MACROD2: variants seen among roughly 807,000 people sequenced by gnomAD.
MACROD2 encodes ADP-ribose glycohydrolase MACROD2.
MACROD2 carries 36 observed loss-of-function variants against 70.4 expected under a neutral mutation model. The observed-to-expected ratio is 0.51, with a 90% CI of 0.39 to 0.68. The LOEUF (loss-of-function observed/expected upper bound fraction) is 0.68. Among genes scored for constraint, MACROD2 ranks in the 30% least tolerant of loss-of-function variants. The pLI, the probability that MACROD2 is intolerant of heterozygous loss-of-function variation, is 0.00. For missense variants in MACROD2, 496 were observed against 538.4 expected (o/e 0.92, Z 0.78); for synonymous variants, 172 against 178.8 (o/e 0.96, Z 0.30).
chr20:15,068,867 G>A (rs1041750597), intron 5 of MACROD2, among the ~76,000 whole-genome samples: 3 of 152,186 alleles, frequency 2.0e-5, no homozygotes, highest in African/African-American at 7.2e-5. Context: ...ATGTGAAAGT[G>A]GCTTTGAAAC....
intron 3 of MACROD2, among the ~76,000 whole-genome samples, chr20:14,195,550 C>T (rs765615620): frequency 7.2e-4 from 109 of 152,184 alleles, no homozygotes; most frequent in African/African-American, 1.4e-4. Flanking sequence ...TGGTCTGCCA[C>T]GCCCGCATCC....
chr20:14,798,359 C>G (rs966377523), intron 5 of MACROD2, among the ~76,000 whole-genome samples: 2 of 151,978 alleles, frequency 1.3e-5, no homozygotes, highest in African/African-American at 4.8e-5. Context: ...TCTATAATTT[C>G]TCAACATGGA....
chr20:15,352,445 A>G (rs1052173548), intron 6 of MACROD2, among the ~76,000 whole-genome samples: 2 of 152,102 alleles, frequency 1.3e-5, no homozygotes, highest in Non-Finnish European at 2.9e-5. Context: ...CAAAATATCT[A>G]TATATATATT....
chr20:14,908,240 T>G (rs1461573940), intron 5 of MACROD2, among the ~76,000 whole-genome samples: 1 of 151,892 alleles, frequency 6.6e-6, no homozygotes, highest in Non-Finnish European at 1.5e-5. Flanking sequence ...ACTCAGGAGG[T>G]TGAGGCAGGA....
chr20:14,244,624 A>C (rs74501010), intron 3 of MACROD2, among the ~76,000 whole-genome samples: 3,764 of 152,272 alleles, frequency 0.025, 134 homozygotes, highest in African/African-American at 0.084. Context: ...GCCTCCTTTT[A>C]AAACAACTTC....
At chr20:14,876,682 T>C (rs1279415596) in intron 5 of MACROD2, among the ~76,000 whole-genome samples, 1 of 152,210 alleles carries the variant, frequency 6.6e-6, no homozygotes, top group Non-Finnish European at 1.5e-5. Flanking sequence ...CTTGTGCATA[T>C]GGCTAGCCAC....
chr20:14,817,244 G>C (rs2072784195), intron 5 of MACROD2, among the ~76,000 whole-genome samples: 1 of 151,978 alleles, frequency 6.6e-6, no homozygotes. Flanking sequence ...ACTCTTTTTT[G>C]ACTGATATAG....
At chr20:15,035,897 T>C (rs2075309272) in intron 5 of MACROD2, among the ~76,000 whole-genome samples, 1 of 151,976 alleles carries the variant, frequency 6.6e-6, no homozygotes, top group Non-Finnish European at 1.5e-5. Context: ...TTTTTCCTAG[T>C]GTCATTTCTT....
intron 4 of MACROD2, among the ~76,000 whole-genome samples, chr20:14,595,927 A>G (rs1254495302): frequency 6.6e-6 from 1 of 152,154 alleles, no homozygotes; most frequent in Non-Finnish European, 1.5e-5. Flanking sequence ...AACGAGGAAC[A>G]TTCCTATACT....
At chr20:14,307,586 A>G (rs749569732) in intron 3 of MACROD2, among the ~76,000 whole-genome samples, 3 of 152,262 alleles carry the variant, frequency 2.0e-5, no homozygotes, top group South Asian at 4.1e-4. Flanking sequence ...TCAGAGGATC[A>G]TAAAACAGTA....
intron 4 of MACROD2, among the ~76,000 whole-genome samples, chr20:14,510,245 C>T (rs969994118): frequency 6.6e-6 from 1 of 151,970 alleles, no homozygotes; most frequent in Non-Finnish European, 1.5e-5. Context: ...TTTTCCTTAG[C>T]TCTAAGCCTA....
intron 3 of MACROD2, among the ~76,000 whole-genome samples, chr20:14,128,493 G>A (rs1406966183): frequency 6.6e-6 from 1 of 152,210 alleles, no homozygotes; most frequent in East Asian, 1.9e-4. Context: ...TAACATAAAA[G>A]TGCAAGGTGA....
At chr20:14,263,449 G>C (rs1202941547) in intron 3 of MACROD2, among the ~76,000 whole-genome samples, 4 of 152,128 alleles carry the variant, frequency 2.6e-5, no homozygotes, top group Non-Finnish European at 5.9e-5. Context: ...GATACCATCA[G>C]AGGCAGAGGG....
chr20:15,726,620 A>G (rs1568995341), intron 8 of MACROD2, among the ~76,000 whole-genome samples: 1 of 152,126 alleles, frequency 6.6e-6, no homozygotes, highest in African/African-American at 2.4e-5. Flanking sequence ...AATGATAGCC[A>G]TTCTGACTGG....
At chr20:15,685,581 G>A (rs1394887984) in intron 8 of MACROD2, among the ~76,000 whole-genome samples, 1 of 152,192 alleles carries the variant, frequency 6.6e-6, no homozygotes, top group African/African-American at 2.4e-5. Flanking sequence ...CAAGGGGGAA[G>A]ACTCATCTCT....
chr20:15,138,970 C>A (rs1165330172), intron 5 of MACROD2, among the ~76,000 whole-genome samples: 1 of 152,140 alleles, frequency 6.6e-6, no homozygotes, highest in African/African-American at 2.4e-5. Context: ...TGAGTCTAAT[C>A]ATAGAAGGAG....
chr20:15,450,085 A>T lies in MACROD2; in HGVS notation c.571+18650A>T, dbSNP rs553910473. On this transcript the variant is annotated intron_variant, in intron 7 of 17. Coordinates refer to ENST00000684519, the MANE Select transcript of MACROD2 (RefSeq NM_001351661.2). The stretch of plus-strand genomic sequence containing the variant: ...GTATATATGCATATATACACACACC[A>T]TACAGGTATACATAGATATCACACA... Among the ~76,000 whole-genome samples, 25 of 152,280 alleles carry T rather than the reference A, an allele frequency of 1.6e-4. No individual in the cohort carries two copies. In the South Asian group the frequency reaches 5.2e-3, roughly 32 times the overall value.
chr20:15,758,706 GT>G (rs1212660413), intron 8 of MACROD2, among the ~76,000 whole-genome samples: 1 of 151,806 alleles, frequency 6.6e-6, no homozygotes, highest in Non-Finnish European at 1.5e-5. Context: ...CACCCAGCTA[GT>G]TTTTTAGTAT....
chr20:14,303,604 A>C (rs2082495031), intron 3 of MACROD2, among the ~76,000 whole-genome samples: 1 of 152,182 alleles, frequency 6.6e-6, no homozygotes, highest in Non-Finnish European at 1.5e-5. Flanking sequence ...TGACTCCACC[A>C]TGTGAGAAGC....
Sources: gnomAD v4.1 joint callset for allele counts (sites outside exome capture counted in the v4.1 genomes callset) on GRCh38, gnomAD v4.1.1 for gene constraint, MANE v1.5 for transcripts, NCBI Gene and HGNC (gene_info 2026-07-23, HGNC 2026-07-21) for gene names.